The following MCPH1 variants were observed in gnomAD, a reference collection of about 807,000 sequenced individuals.
MCPH1 encodes the protein microcephalin 1, also known as microcephalin.
A neutral mutation model predicts 84.5 loss-of-function variants in MCPH1; 104 were observed. The observed-to-expected ratio is 1.23, with a 90% CI of 1.05 to 1.45. The LOEUF (loss-of-function observed/expected upper bound fraction) is 1.45. MCPH1 is among the 40% of genes most tolerant of loss of function. The probability of loss-of-function intolerance (pLI) is 0.00; values close to 1 mark genes in which losing one functional copy is unlikely to be tolerated. For missense variants in MCPH1, 1,498 were observed against 1,005.7 expected (o/e 1.49, Z -6.62); for synonymous variants, 514 against 366.8 (o/e 1.40, Z -4.58).
chr8:6,510,545 C>T (rs1014858474), intron 12 of MCPH1, among the ~76,000 whole-genome samples: 3 of 152,326 alleles, frequency 2.0e-5, no homozygotes, highest in South Asian at 4.1e-4. Context: ...CTTACACCTG[C>T]ATGCACACTG....
intron 12 of MCPH1, among the ~76,000 whole-genome samples, chr8:6,594,197 A>G (rs1347178672): frequency 3.3e-5 from 5 of 152,244 alleles, no homozygotes; most frequent in Non-Finnish European, 7.3e-5. Context: ...TGCCCAGGTC[A>G]TACCCAAACA....
At chr8:6,506,428 C>T (rs1009898913) in intron 12 of MCPH1, among the ~76,000 whole-genome samples, 7 of 152,048 alleles carry the variant, frequency 4.6e-5, no homozygotes, top group African/African-American at 1.7e-4. Context: ...TCTTGATTTG[C>T]CTAAGTAAAT....
chr8:6,481,121 T>G (rs1346016999), intron 11 of MCPH1, among the ~76,000 whole-genome samples: 1 of 152,138 alleles, frequency 6.6e-6, no homozygotes, highest in Admixed American at 6.5e-5. Flanking sequence ...GAGTAGCCTC[T>G]AAGATAAAGC....
At chr8:6,454,541 T>G (rs1410380430) in intron 8 of MCPH1, among the ~76,000 whole-genome samples, 1 of 152,166 alleles carries the variant, frequency 6.6e-6, no homozygotes, top group Non-Finnish European at 1.5e-5. Flanking sequence ...ACATTTCACA[T>G]TTCATCGTGG....
chr8:6,442,836 A>G (rs1803721501), intron 7 of MCPH1, among the ~76,000 whole-genome samples: 1 of 152,246 alleles, frequency 6.6e-6, no homozygotes, highest in South Asian at 2.1e-4. Flanking sequence ...TGAAAGCCAC[A>G]GCAATGACAA....
rs1186787476 is a variant in MCPH1, at chr8:6,621,531, C to G, written c.2292C>G (p.Val764=). 6.2e-7 allele frequency: 1 copy of G among 1,614,176 alleles called. No homozygotes were observed. The highest frequency in any genetic ancestry group is 1.1e-5 in the South Asian group (1 of 91,084). Residue 764 remains valine, a synonymous_variant, in exon 13 of 14, where the codon GTC becomes GTG. Transcript: ENST00000344683. ...TLFADQPAMF[V]SPASSPPVAK... ...TTGCCGACCAGCCAGCGATGTTTGT[C>G]TCGCCTGCCAGCAGCCCCCCAGTGG...
rs1412253396 is a variant in MCPH1, at chr8:6,425,223, GGCA to G, written c.234-6268_234-6266del. Among the ~76,000 whole-genome samples, 4 of 152,192 alleles carry G rather than the reference GGCA, an allele frequency of 2.6e-5. 1 individual carries two copies. The highest frequency in any genetic ancestry group is 5.9e-5 in the Non-Finnish European group (4 of 68,020). ...CTGCTTTGATTTCTGTTGGCTCTGA[GGCA>G]GCAGCAGGTCAAATAGTTGGTTCTC... is the stretch of plus-strand genomic sequence containing the variant. On this transcript the variant is annotated intron_variant, in intron 3 of 13. Coordinates refer to ENST00000344683, the MANE Select transcript of MCPH1 (RefSeq NM_024596.5).
At chr8:6,560,810 G>A (rs1825415688) in intron 12 of MCPH1, among the ~76,000 whole-genome samples, 1 of 152,198 alleles carries the variant, frequency 6.6e-6, no homozygotes, top group African/African-American at 2.4e-5. Context: ...ACCTAAGAAA[G>A]AAATATGAGC....
intron 5 of MCPH1, among the ~76,000 whole-genome samples, chr8:6,438,292 A>T (rs2129554843): frequency 6.6e-6 from 1 of 152,368 alleles, no homozygotes; most frequent in South Asian, 2.1e-4. Flanking sequence ...ACATTTGTAT[A>T]TTGTCAGAAC....
intron 12 of MCPH1, among the ~76,000 whole-genome samples, chr8:6,612,118 G>C (rs1830335813): frequency 6.6e-6 from 1 of 152,156 alleles, no homozygotes; most frequent in Non-Finnish European, 1.5e-5. Flanking sequence ...GAAAGGGCTT[G>C]TGATAAATGA....
rs186036129 is a variant in MCPH1 at position 6,556,100 on chromosome 8, A to T, written c.2214+56171A>T. On this transcript the variant is annotated intron_variant, in intron 12 of 13. Transcript: ENST00000344683. ...TCCCAGTGGGCGAGAATTGCTGCCA[A>T]GACTAACCAAGGGTGTCAACCAGTG... is the stretch of plus-strand genomic sequence containing the variant. Among the ~76,000 whole-genome samples, 94 of 152,242 alleles carry T rather than the reference A, an allele frequency of 6.2e-4. No homozygotes were observed. The East Asian group carries it at 0.018, about 29-fold the overall frequency.
chr8:6,549,408 T>C (rs1823195984), intron 12 of MCPH1, among the ~76,000 whole-genome samples: 2 of 152,170 alleles, frequency 1.3e-5, no homozygotes. Context: ...TAACCCATGG[T>C]GGGTGACAGA....
chr8:6,550,833 G>C (rs536006634), intron 12 of MCPH1, among the ~76,000 whole-genome samples: 15 of 152,274 alleles, frequency 9.9e-5, no homozygotes, highest in African/African-American at 3.6e-4. Context: ...TAAGCACATG[G>C]CGTGCACCTG....
At chr8:6,514,650 T>G (rs1213334059) in intron 12 of MCPH1, 2 of 1,596,664 alleles carry the variant, frequency 1.3e-6, no homozygotes, top group Non-Finnish European at 1.7e-6. Context: ...GGAAATTCTT[T>G]TCTGATGCCT....
chr8:6,633,088 T>C (rs1797286686), intron 13 of MCPH1, among the ~76,000 whole-genome samples: 1 of 151,714 alleles, frequency 6.6e-6, no homozygotes, highest in Non-Finnish European at 1.5e-5. Context: ...AGGTTATCTA[T>C]AAAAAACGTA....
At chr8:6,492,894 T>C (rs1810812198) in intron 11 of MCPH1, among the ~76,000 whole-genome samples, 1 of 152,124 alleles carries the variant, frequency 6.6e-6, no homozygotes, top group Non-Finnish European at 1.5e-5. Context: ...GCCATGTAAA[T>C]ACTATTGTCT....
At chr8:6,411,102 A>C (rs1318376372) in intron 2 of MCPH1, among the ~76,000 whole-genome samples, 1 of 152,058 alleles carries the variant, frequency 6.6e-6, no homozygotes, top group Admixed American at 6.6e-5. Context: ...AAAACCAAAA[A>C]AATAGGCACT....
At chr8:6,454,015 C>A (rs1010611543) in intron 8 of MCPH1, among the ~76,000 whole-genome samples, 1 of 152,164 alleles carries the variant, frequency 6.6e-6, no homozygotes, top group Non-Finnish European at 1.5e-5. Flanking sequence ...TCCTTTTTCA[C>A]TGAGATAGGA....
At chr8:6,621,199 C>T (rs1438772117) in intron 12 of MCPH1, 1 of 537,868 alleles carries the variant, frequency 1.9e-6, no homozygotes. Flanking sequence ...TGGAATAATT[C>T]AAAGGCCTAC....
Sources: allele counts gnomAD v4.1 joint callset (sites outside exome capture counted in the v4.1 genomes callset), GRCh38; gene constraint gnomAD v4.1.1; transcripts MANE v1.5; gene names NCBI Gene and HGNC (gene_info 2026-07-23, HGNC 2026-07-21).